The following SRPK1 variants were observed in gnomAD, a reference collection of about 807,000 sequenced individuals.
The protein encoded by SRPK1 is SFRS protein kinase 1.
In SRPK1, 52 loss-of-function variants were observed where a neutral mutation model predicts 89.5. The observed-to-expected ratio is 0.58, with a 90% CI of 0.46 to 0.73. The LOEUF is 0.73. SRPK1 is among the 30% of genes least tolerant of loss of function. SRPK1 has a pLI of 0.00. For synonymous variants in SRPK1, 255 were observed against 270.2 expected, an observed-to-expected ratio of 0.94 and a Z score of 0.55; for missense variants, 603 against 780.6, an observed-to-expected ratio of 0.77 and a Z score of 2.71.
intron 12 of SRPK1, among the ~76,000 whole-genome samples, chr6:35,864,574 G>A (rs1340745200): frequency 2.0e-5 from 3 of 152,168 alleles, no homozygotes; most frequent in Non-Finnish European, 4.4e-5. Flanking sequence ...GGAGAAAAGG[G>A]AACCCTCCTG....
At chr6:35,850,314 T>C (rs540235950) in intron 13 of SRPK1, among the ~76,000 whole-genome samples, 7 of 152,292 alleles carry the variant, frequency 4.6e-5, no homozygotes, top group East Asian at 1.9e-4. Flanking sequence ...GTCTTAGATA[T>C]GGAGAAGTAA....
intron 2 of SRPK1, among the ~76,000 whole-genome samples, chr6:35,897,229 T>C (rs897902221): frequency 6.6e-6 from 1 of 152,182 alleles, no homozygotes; most frequent in African/African-American, 2.4e-5. Context: ...CAATAAAGCT[T>C]TAGAAAACTA....
chr6:35,893,420 G>A (rs1388542159), intron 2 of SRPK1, among the ~76,000 whole-genome samples: 3 of 152,042 alleles, frequency 2.0e-5, no homozygotes, highest in Non-Finnish European at 4.4e-5. Flanking sequence ...GCAAGGTTGC[G>A]GCTGCAGTGA....
chr6:35,870,833 T>C, intron 9 of SRPK1, 101 bp downstream of exon 9: 1 of 1,063,162 alleles, frequency 9.4e-7, no homozygotes, highest in Non-Finnish European at 1.4e-6. Flanking sequence ...TTTTTTCCTT[T>C]TGGTTCTCAA....
chr6:35,858,203 C>A (rs1769705363), intron 12 of SRPK1, among the ~76,000 whole-genome samples: 1 of 152,110 alleles, frequency 6.6e-6, no homozygotes, highest in Admixed American at 6.5e-5. Context: ...CACTCATTGC[C>A]AGTCTATTTT....
chr6:35,845,134 G>A (rs914293187), intron 13 of SRPK1, among the ~76,000 whole-genome samples: 4 of 152,144 alleles, frequency 2.6e-5, no homozygotes, highest in East Asian at 1.9e-4. Context: ...AGTGGGGGAC[G>A]GGAGGGATGA....
At chr6:35,899,157 C>A (rs191807910) in intron 2 of SRPK1, among the ~76,000 whole-genome samples, 8 of 152,308 alleles carry the variant, frequency 5.3e-5, no homozygotes, top group South Asian at 2.1e-4. Flanking sequence ...GAGACTCCAT[C>A]TCACAAACAA....
chr6:35,892,427 A>T (rs964331933), intron 2 of SRPK1, among the ~76,000 whole-genome samples: 2 of 152,074 alleles, frequency 1.3e-5, no homozygotes, highest in Non-Finnish European at 2.9e-5. Flanking sequence ...TGAGGCAGGT[A>T]GATCATTTGA....
chr6:35,872,802 G>T, intron 7 of SRPK1, 74 bp from the exon 8 acceptor site: 6 of 1,214,044 alleles, frequency 4.9e-6, no homozygotes, highest in South Asian at 1.8e-5. Context: ...ATTATAACAT[G>T]ACATTAAAAA....
intron 12 of SRPK1, among the ~76,000 whole-genome samples, chr6:35,864,270 A>C (rs1441787912): frequency 1.3e-5 from 2 of 152,158 alleles, no homozygotes; most frequent in Non-Finnish European, 2.9e-5. Flanking sequence ...ACAGAATGGG[A>C]GAAAATATTT....
intron 15 of SRPK1, 105 bp downstream of exon 15, chr6:35,838,232 A>C (rs1769226721): frequency 7.5e-6 from 6 of 796,348 alleles, no homozygotes. Context: ...ACAGGTTAGC[A>C]TTCAAGGCAG....
At chr6:35,916,221 G>A (rs1357566903) in intron 2 of SRPK1, among the ~76,000 whole-genome samples, 1 of 113,714 alleles carries the variant, frequency 8.8e-6, no homozygotes, top group African/African-American at 3.4e-5. Flanking sequence ...CGAAGACTCT[G>A]CCTCAAATAA....
chr6:35,880,747 A>G (rs1380070266), intron 6 of SRPK1, among the ~76,000 whole-genome samples: 2 of 75,424 alleles, frequency 2.7e-5, no homozygotes, highest in African/African-American at 9.5e-5. Flanking sequence ...AAAAAAAAAA[A>G]AAAGAAAAGA....
intron 3 of SRPK1, 49 bp from the exon 4 acceptor site, chr6:35,888,972 A>T: frequency 1.5e-6 from 2 of 1,320,708 alleles, no homozygotes; most frequent in South Asian, 2.4e-5. Context: ...ATGAGAAACA[A>T]TGGTAAGAAA....
intron 9 of SRPK1, 50 bp downstream of exon 9, chr6:35,870,884 T>G: frequency 1.4e-6 from 2 of 1,479,548 alleles, no homozygotes; most frequent in South Asian, 1.2e-5. Flanking sequence ...GAAGAACCCA[T>G]GCCCATAGTC....
chr6:35,845,424 G>A (rs1225165477), intron 13 of SRPK1, among the ~76,000 whole-genome samples: 1 of 152,120 alleles, frequency 6.6e-6, no homozygotes, highest in Non-Finnish European at 1.5e-5. Flanking sequence ...AAAAAATAAA[G>A]TCTATTAAGA....
chr6:35,881,211 G>A (rs1770280540), intron 6 of SRPK1, among the ~76,000 whole-genome samples: 1 of 151,996 alleles, frequency 6.6e-6, no homozygotes, highest in Admixed American at 6.6e-5. Flanking sequence ...AAGGTGAAAT[G>A]AAAAGACACT....
chr6:35,918,423 T>C (rs644229), intron 2 of SRPK1, among the ~76,000 whole-genome samples: 47,898 of 151,788 alleles, frequency 0.32, 7,781 homozygotes, highest in South Asian at 0.42. Context: ...ATTGCTTGAA[T>C]CTGGTAGGTG....
chr6:35,904,264 T>C (rs1468609533), intron 2 of SRPK1, among the ~76,000 whole-genome samples: 2 of 152,200 alleles, frequency 1.3e-5, no homozygotes, highest in Non-Finnish European at 2.9e-5. Flanking sequence ...CTGGATACTA[T>C]GGTCTTCACA....
Sources: gnomAD v4.1 joint callset for allele counts (sites outside exome capture counted in the v4.1 genomes callset) on GRCh38, gnomAD v4.1.1 for gene constraint, MANE v1.5 for transcripts, NCBI Gene and HGNC (gene_info 2026-07-23, HGNC 2026-07-21) for gene names.